UBE4B: variants seen among roughly 807,000 people sequenced by gnomAD.
UBE4B encodes the protein ubiquitin conjugation factor E4 B.
Under a neutral mutation model 148.1 loss-of-function variants are expected in UBE4B, and 27 were observed. The observed-to-expected ratio is 0.18, with a 90% CI of 0.13 to 0.25. The LOEUF is 0.25. Among genes scored for constraint, UBE4B ranks in the 10% least tolerant of loss-of-function variants. The pLI is 1.00. For missense variants in UBE4B, 1,170 were observed against 1,662.4 expected, an observed-to-expected ratio of 0.70 and a Z score of 5.15; for synonymous variants, 596 against 619.3, an observed-to-expected ratio of 0.96 and a Z score of 0.56.
chr1:10,075,700 G>T (rs1644565148), intron 2 of UBE4B, among the ~76,000 whole-genome samples: 1 of 152,158 alleles, frequency 6.6e-6, no homozygotes, highest in African/African-American at 2.4e-5. Context: ...AGATTTTCAT[G>T]ATTTCCTAAA....
intron 16 of UBE4B, among the ~76,000 whole-genome samples, chr1:10,135,967 G>A (rs538750086): frequency 3.9e-5 from 6 of 152,064 alleles, no homozygotes; most frequent in African/African-American, 1.2e-4. Context: ...CCCAAAGTTG[G>A]AGGAAAAAGG....
At chr1:10,131,764 A>G (rs900831244) in intron 14 of UBE4B, among the ~76,000 whole-genome samples, 2 of 152,156 alleles carry the variant, frequency 1.3e-5, no homozygotes, top group Non-Finnish European at 2.9e-5. Flanking sequence ...CAGCCTGACC[A>G]ACATGGTGAA....
At chr1:10,175,397 A>T (rs1381274804) in intron 25 of UBE4B, among the ~76,000 whole-genome samples, 1 of 152,112 alleles carries the variant, frequency 6.6e-6, no homozygotes, top group Non-Finnish European at 1.5e-5. Context: ...CACGCCTGTA[A>T]TCCCAGCACT....
chr1:10,133,233 T>C (rs1645625469), intron 15 of UBE4B, among the ~76,000 whole-genome samples: 1 of 152,206 alleles, frequency 6.6e-6, no homozygotes, highest in Non-Finnish European at 1.5e-5. Flanking sequence ...TGATGTGATG[T>C]GTATACTCAG....
intron 12 of UBE4B, among the ~76,000 whole-genome samples, chr1:10,130,024 G>GGT (rs771839700): frequency 6.6e-6 from 1 of 151,920 alleles, no homozygotes; most frequent in Non-Finnish European, 1.5e-5. Context: ...CGAGTCCTTT[G>GGT]GTGGTATAAG....
Position 10,033,603 on chromosome 1 carries a change from T to G in UBE4B, c.-68T>G. The G allele has an allele frequency of 6.9e-7, 1 of 1,449,812 alleles. No homozygotes were observed. The highest frequency in any genetic ancestry group is 1.5e-5 in the South Asian group (1 of 67,546). The allele number at this position is 1,449,812 out of a possible 1,614,324, so 89.8% of individuals were successfully genotyped here. ...CCTGATAGACACCTTCCACTCTCCT[T>G]CCTCCCGCCGTGGTCTCGAGAACAG... is the stretch of plus-strand genomic sequence containing the variant. On this transcript the variant is annotated 5_prime_UTR_variant, in exon 1 of 28. Transcript: ENST00000343090.
chr1:10,043,807 G>A (rs924405609), intron 1 of UBE4B, among the ~76,000 whole-genome samples: 8 of 152,152 alleles, frequency 5.3e-5, no homozygotes, highest in African/African-American at 1.7e-4. Flanking sequence ...TCCTGTTTAG[G>A]TGTGAACCTG....
intron 26 of UBE4B, 145 bp from the exon 27 acceptor site, chr1:10,179,271 A>T: frequency 1.0e-6 from 1 of 999,710 alleles, no homozygotes; most frequent in Non-Finnish European, 1.4e-6. Context: ...TTGAAGGCTG[A>T]TTTCCTTCTA....
At chr1:10,091,984 A>G (rs1644856026) in intron 2 of UBE4B, among the ~76,000 whole-genome samples, 1 of 151,670 alleles carries the variant, frequency 6.6e-6, no homozygotes. Context: ...CCTGGCCTCA[A>G]GTGATCCTCT....
intron 3 of UBE4B, among the ~76,000 whole-genome samples, chr1:10,096,804 A>G (rs1644935139): frequency 6.6e-6 from 1 of 152,062 alleles, no homozygotes; most frequent in Non-Finnish European, 1.5e-5. Context: ...ACTTTGGGAA[A>G]CAGAGACATG....
In UBE4B at chr1:10,161,016, C is replaced by CA; in HGVS notation, c.3054-125dup. 1 of 1,010,498 alleles carries CA rather than the reference C, an allele frequency of 9.9e-7. No individual in the cohort carries two copies. Among genetic ancestry groups the CA allele is most frequent in the Non-Finnish European group, 1.5e-6 (1 of 682,488 alleles). The allele number at this position is 1,010,498 out of a possible 1,614,324, so 62.6% of individuals were successfully genotyped here. A position where few individuals can be genotyped will look rare whatever the true frequency, so the allele number is the denominator to read the frequency against. On this transcript the variant is annotated intron_variant, in intron 22 of 27. Transcript: ENST00000343090. This position sits in a 1 kb window ranked among gnomAD's most constrained non-coding sequence, Gnocchi z 4.1. ...GAATTCCATAGTGCCTGACTTGTGC[C>CA]AGGGTAGCCAGGCTTTTAGGGTGAG...
chr1:10,176,131 T>C (rs1646426379), intron 25 of UBE4B, among the ~76,000 whole-genome samples: 1 of 152,246 alleles, frequency 6.6e-6, no homozygotes, highest in Non-Finnish European at 1.5e-5. Flanking sequence ...CTTCCTTCAC[T>C]TAGCATCATG....
At chr1:10,157,938 T>C (rs1646100353) in intron 21 of UBE4B, among the ~76,000 whole-genome samples, 1 of 152,186 alleles carries the variant, frequency 6.6e-6, no homozygotes, top group African/African-American at 2.4e-5. Context: ...GGTCAATAGA[T>C]AGACACATTT....
intron 1 of UBE4B, among the ~76,000 whole-genome samples, chr1:10,039,917 C>T (rs1356176860): frequency 1.3e-5 from 2 of 151,928 alleles, no homozygotes; most frequent in African/African-American, 4.8e-5. Context: ...AAGGCATTGC[C>T]TGTGGGAATG....
chr1:10,176,645 C>T (rs1484636535), intron 25 of UBE4B, among the ~76,000 whole-genome samples: 2 of 151,978 alleles, frequency 1.3e-5, no homozygotes, highest in Non-Finnish European at 2.9e-5. Flanking sequence ...TGTCAAATAC[C>T]ATTGGACACC....
In UBE4B at chr1:10,033,154, C is replaced by G. The variant is rs1477321624; in HGVS notation, c.-517C>G. 1 of 152,488 alleles carries G rather than the reference C, an allele frequency of 6.6e-6. No homozygotes were observed. The highest frequency in any genetic ancestry group is 1.5e-5 in the Non-Finnish European group (1 of 68,272). The allele number at this position is 152,488 out of a possible 1,614,324, so 9.4% of individuals were successfully genotyped here. On this transcript the variant is annotated 5_prime_UTR_variant, in exon 1 of 28. Transcript: ENST00000343090. Reference sequence around the variant, plus strand: ...GCCTGCTTTGGGAGGGGAGGGGCTTCCCTTACAGTGCTGGGCTCTGCCAGG... The same window carrying G: ...GCCTGCTTTGGGAGGGGAGGGGCTTGCCTTACAGTGCTGGGCTCTGCCAGG...
intron 23 of UBE4B, chr1:10,163,457 CAA>C (rs1373433423): frequency 6.6e-6 from 1 of 152,120 alleles, no homozygotes; most frequent in Non-Finnish European, 1.5e-5. Context: ...ATCACAATGT[CAA>C]GAGATCAAGA....
At chr1:10,095,828 G>A (rs1644920721) in intron 3 of UBE4B, among the ~76,000 whole-genome samples, 1 of 152,204 alleles carries the variant, frequency 6.6e-6, no homozygotes. Context: ...CTGGAGTGCA[G>A]TGGTGCGATC....
At chr1:10,113,191 G>A (rs560514247) in intron 7 of UBE4B, among the ~76,000 whole-genome samples, 6 of 152,168 alleles carry the variant, frequency 3.9e-5, no homozygotes, top group Non-Finnish European at 8.8e-5. Flanking sequence ...GTCACATGGC[G>A]AGAGCAGGAG....
Sources: gnomAD v4.1 joint callset for allele counts (sites outside exome capture counted in the v4.1 genomes callset) on GRCh38, gnomAD v4.1.1 for gene constraint, Gnocchi (gnomAD v3.1) non-coding constraint, MANE v1.5 for transcripts, NCBI Gene and HGNC (gene_info 2026-07-23, HGNC 2026-07-21) for gene names.